MMS22L: variants seen among roughly 807,000 people sequenced by gnomAD.
The protein encoded by MMS22L is MMS22 like, DNA repair protein.
MMS22L carries 74 observed loss-of-function variants against 159.1 expected under a neutral mutation model. That is an observed-to-expected ratio of 0.47 (90% CI 0.39 to 0.56). MMS22L has a LOEUF of 0.56. MMS22L is among the 20% of genes least tolerant of loss of function. The pLI is 0.00. For synonymous variants in MMS22L, 517 were observed against 506.9 expected (o/e 1.02, Z -0.27); for missense variants, 1,351 against 1,422.1 (o/e 0.95, Z 0.80).
chr6:97,181,759 C>T lies in MMS22L; in HGVS notation c.2384+145G>A, dbSNP rs1477980446. 2.9e-5 allele frequency: 20 copies of T among 700,458 alleles called. No homozygotes were observed. In the East Asian group the frequency reaches 5.0e-4, roughly 18 times the overall value. 43.4% of individuals were successfully genotyped at this position (700,458 alleles called of 1,614,324 possible). A position where few individuals can be genotyped will look rare whatever the true frequency, so the allele number is the denominator to read the frequency against. On this transcript the variant is annotated intron_variant, in intron 16 of 24. Coordinates refer to ENST00000683635, the MANE Select transcript of MMS22L (RefSeq NM_001350599.2). ...TCTTACTATTACTACTGTCGAAAGG[C>T]TGATATATCTGAAAGCAAAAACCTG...
intron 15 of MMS22L, among the ~76,000 whole-genome samples, chr6:97,185,780 ATAAAT>A (rs1745486452): frequency 6.6e-6 from 1 of 152,308 alleles, no homozygotes; most frequent in South Asian, 2.1e-4. Context: ...TTATTTAAAA[ATAAAT>A]TAAATACCTT....
intron 22 of MMS22L, among the ~76,000 whole-genome samples, chr6:97,159,948 GTTTTTTT>G (rs368455553): frequency 2.1e-5 from 2 of 97,180 alleles, no homozygotes; most frequent in Non-Finnish European, 3.9e-5. Context: ...TATCATTTCT[GTTTTTTT>G]TTTTTTTTTT....
At chr6:97,204,375 T>G (rs916550100) in intron 14 of MMS22L, among the ~76,000 whole-genome samples, 1 of 152,154 alleles carries the variant, frequency 6.6e-6, no homozygotes, top group Non-Finnish European at 1.5e-5. Flanking sequence ...ATTAACTGGA[T>G]GTATAATGGA....
chr6:97,274,170 A>G (rs918876319), intron 4 of MMS22L, among the ~76,000 whole-genome samples: 3 of 152,222 alleles, frequency 2.0e-5, no homozygotes. Flanking sequence ...CAAAGAAAAC[A>G]TGATGAGAAT....
chr6:97,161,474 G>A (rs1451407949), intron 22 of MMS22L, among the ~76,000 whole-genome samples: 1 of 151,984 alleles, frequency 6.6e-6, no homozygotes, highest in Non-Finnish European at 1.5e-5. Context: ...CCAAAGTGCT[G>A]GGATTACAGG....
At chr6:97,221,750 T>C (rs1291270122) in intron 14 of MMS22L, among the ~76,000 whole-genome samples, 1 of 152,010 alleles carries the variant, frequency 6.6e-6, no homozygotes, top group African/African-American at 2.4e-5. Flanking sequence ...GGTAATAGAT[T>C]TTATTACCAT....
At chr6:97,236,968 A>T (rs939820999) in intron 11 of MMS22L, among the ~76,000 whole-genome samples, 18 of 151,960 alleles carry the variant, frequency 1.2e-4, no homozygotes, top group African/African-American at 4.3e-4. Context: ...AAAAAAAAGG[A>T]CTAAAGCAGA....
chr6:97,173,681 T>C (rs1197596892), intron 18 of MMS22L, among the ~76,000 whole-genome samples: 2 of 152,038 alleles, frequency 1.3e-5, no homozygotes, highest in African/African-American at 4.8e-5. Flanking sequence ...AAGTTCAGCT[T>C]TATTATATGA....
intron 8 of MMS22L, chr6:97,264,568 A>C (rs1029334317): frequency 6.6e-6 from 1 of 152,194 alleles, no homozygotes; most frequent in African/African-American, 2.4e-5. Flanking sequence ...TATGCAAAAG[A>C]AAGAAAAGGC....
chr6:97,169,242 C>T (rs1803278552), intron 19 of MMS22L, among the ~76,000 whole-genome samples: 1 of 152,030 alleles, frequency 6.6e-6, no homozygotes, highest in Admixed American at 6.6e-5. Context: ...TTAATTGCCA[C>T]ATCTGATGAT....
At chr6:97,161,975 G>T (rs758295937) in intron 22 of MMS22L, 27 bp downstream of exon 22, 1 of 1,592,696 alleles carries the variant, frequency 6.3e-7, no homozygotes, top group Non-Finnish European at 8.5e-7. Context: ...AAAGAAAATG[G>T]TAACAAAAAT....
intron 7 of MMS22L, 109 bp from the exon 8 acceptor site, chr6:97,268,111 ATTTT>A: frequency 1.3e-6 from 1 of 769,068 alleles, no homozygotes; most frequent in East Asian, 3.3e-5. Context: ...ACAGTTTTTA[ATTTT>A]TTTTTGCAAA....
chr6:97,250,015 A>G (rs1813079409), intron 10 of MMS22L, among the ~76,000 whole-genome samples: 2 of 152,336 alleles, frequency 1.3e-5, no homozygotes, highest in African/African-American at 4.8e-5. Context: ...TAAAACAAAA[A>G]TAAACTGTAA....
rs1801711486 is a variant in MMS22L at position 97,155,289 on chromosome 6, TA to T, written c.3386-3423del. Among the ~76,000 whole-genome samples the T allele has an allele frequency of 2.0e-5, 3 of 150,584 alleles. No individual in the cohort carries two copies. The South Asian group carries it at 6.4e-4, about 32-fold the overall frequency. On this transcript the variant is annotated intron_variant, in intron 22 of 24. Coordinates refer to ENST00000683635, the MANE Select transcript of MMS22L (RefSeq NM_001350599.2). Reference sequence around the variant, plus strand: ...CTGTTTTCTTACTACATTAAGTGAATATTTTTTAACGTAGTCTTCCAAATTT... The same window carrying T: ...CTGTTTTCTTACTACATTAAGTGAATTTTTTTAACGTAGTCTTCCAAATTT...
chr6:97,176,418 T>C (rs947451100), intron 18 of MMS22L, among the ~76,000 whole-genome samples: 27 of 152,250 alleles, frequency 1.8e-4, no homozygotes, highest in Non-Finnish European at 3.4e-4. Flanking sequence ...CATACTATCA[T>C]TTCTGTGCAG....
Position 97,150,015 on chromosome 6 carries a change from A to G in MMS22L, c.3488T>C (p.Phe1163Ser). Residue 1163 changes from phenylalanine to serine, a missense_variant, in exon 24 of 25, where the codon TTT becomes TCT. Transcript: ENST00000683635. ...SSQLTSVFRQ[F>S]IQDYGMRYYY... ...GTACCTCATACCATAATCCTGGATAAACTGCCTGAAAGTAAAACAGGTTTA... is the reference window on the plus strand; with the variant it reads ...GTACCTCATACCATAATCCTGGATAGACTGCCTGAAAGTAAAACAGGTTTA... 1.2e-6 allele frequency: 2 copies of G among 1,612,780 alleles called. No individual in the cohort carries two copies. The highest frequency in any genetic ancestry group is 1.7e-6 in the Non-Finnish European group (2 of 1,179,382).
intron 18 of MMS22L, among the ~76,000 whole-genome samples, chr6:97,177,229 T>G (rs1421301740): frequency 6.6e-6 from 1 of 152,136 alleles, no homozygotes; most frequent in African/African-American, 2.4e-5. Context: ...TTACAAAGCC[T>G]TCACAATCTT....
chr6:97,147,884 CAT>C (rs1318485347), intron 24 of MMS22L, among the ~76,000 whole-genome samples: 4 of 152,102 alleles, frequency 2.6e-5, no homozygotes, highest in Admixed American at 2.0e-4. Context: ...CTATAATCAA[CAT>C]AGTCATGTCT....
At chr6:97,173,491 A>G (rs982735752) in intron 18 of MMS22L, among the ~76,000 whole-genome samples, 2 of 152,140 alleles carry the variant, frequency 1.3e-5, no homozygotes, top group African/African-American at 4.8e-5. Context: ...ACTTAGCAAA[A>G]TATCAGTGAA....
Sources: allele counts gnomAD v4.1 joint callset (sites outside exome capture counted in the v4.1 genomes callset), GRCh38; gene constraint gnomAD v4.1.1; transcripts MANE v1.5; gene names NCBI Gene and HGNC (gene_info 2026-07-23, HGNC 2026-07-21).